Variants in SGSM3 observed in about 807,000 individuals in gnomAD.
SGSM3 encodes RUN and SH3 containing 3.
SGSM3 carries 96 observed loss-of-function variants against 100.5 expected under a neutral mutation model. The observed-to-expected ratio is 0.96, with a 90% CI of 0.81 to 1.13. The LOEUF (loss-of-function observed/expected upper bound fraction) is 1.13, where lower values mean the gene tolerates loss of function less well. Ranked by LOEUF, SGSM3 falls within the 50% of genes most tolerant of loss-of-function variation. The pLI is 0.00. For synonymous variants in SGSM3, 483 were observed against 422.8 expected, an observed-to-expected ratio of 1.14 and a Z score of -1.75; for missense variants, 1,001 against 1,015.8, an observed-to-expected ratio of 0.99 and a Z score of 0.20.
intron 1 of SGSM3, among the ~76,000 whole-genome samples, chr22:40,394,226 G>A (rs2049750674): frequency 6.6e-6 from 1 of 152,170 alleles, no homozygotes; most frequent in Non-Finnish European, 1.5e-5. Flanking sequence ...CTCCACTTAG[G>A]AGTCTGATCG....
rs867200729 is a variant in SGSM3 at position 40,381,067 on chromosome 22, C to T, written c.-112+10379C>T. ...TGGTTTAGCATGATATTGGGAAGAA[C>T]GAAGTAATTAGGAAAGGTTATAGAA... On this transcript the variant is annotated intron_variant, in intron 1 of 21. Transcript: ENST00000248929. Among the ~76,000 whole-genome samples, 12 of 152,190 alleles carry T rather than the reference C, an allele frequency of 7.9e-5. No homozygotes were observed. The Middle Eastern group carries it at 0.01, about 130-fold the overall frequency.
Position 40,410,091 on chromosome 22 carries a change from G to GTGTC in SGSM3, c.*338_*341dup, listed in dbSNP as rs35717714. 0.14 allele frequency: 173,107 copies of GTGTC among 1,194,318 alleles called. 14,433 individuals are homozygous for GTGTC. Among genetic ancestry groups the GTGTC allele is most frequent in the Admixed American group, 0.37 (8,006 of 21,702 alleles). The allele number at this position is 1,194,318 out of a possible 1,614,324, so 74.0% of individuals were successfully genotyped here. A position where few individuals can be genotyped will look rare whatever the true frequency, so the allele number is the denominator to read the frequency against. ...GGCCTCTTTGGTTTATAAATAAACT[G>GTGTC]TGTCTGTCTTTGAGAAAGCACCTAC... On this transcript the variant is annotated 3_prime_UTR_variant, in exon 22 of 22. Coordinates refer to ENST00000248929, the MANE Select transcript of SGSM3 (RefSeq NM_015705.6).
chr22:40,385,491 G>A (rs2048270832), intron 1 of SGSM3, among the ~76,000 whole-genome samples: 1 of 152,198 alleles, frequency 6.6e-6, no homozygotes, highest in Non-Finnish European at 1.5e-5. Flanking sequence ...GTTCTCGTGG[G>A]TGGAGAATTT....
intron 1 of SGSM3, among the ~76,000 whole-genome samples, chr22:40,399,820 G>C (rs2050497800): frequency 6.6e-6 from 1 of 152,238 alleles, no homozygotes; most frequent in Non-Finnish European, 1.5e-5. Context: ...GGAAGCAGGA[G>C]GGAGCGTCTC....
intron 1 of SGSM3, chr22:40,390,091 G>GA (rs1165732829): frequency 2.6e-5 from 4 of 152,072 alleles, no homozygotes; most frequent in African/African-American, 9.7e-5. Flanking sequence ...GTCATCTAGG[G>GA]AAAAAAATCT....
chr22:40,372,320 G>A (rs1156897404), intron 1 of SGSM3, among the ~76,000 whole-genome samples: 1 of 151,424 alleles, frequency 6.6e-6, no homozygotes, highest in Non-Finnish European at 1.5e-5. Context: ...TAGAGACGGG[G>A]TTTCACCGTG....
intron 1 of SGSM3, chr22:40,387,616 A>G (rs2048690894): frequency 6.2e-6 from 1 of 160,492 alleles, no homozygotes. Flanking sequence ...AGCTACCTGA[A>G]AGCTGAGTTG....
chr22:40,404,997 G>A lies in SGSM3; in HGVS notation c.475-144G>A, dbSNP rs554190772. The A allele has an allele frequency of 2.0e-5, 23 of 1,141,006 alleles. No homozygotes were observed. The East Asian group carries it at 5.4e-4, about 27-fold the overall frequency. 70.7% of individuals were successfully genotyped at this position (1,141,006 alleles called of 1,614,324 possible). The stretch of plus-strand genomic sequence containing the variant: ...GATGTCCCGGCTCCACACTGGCTGG[G>A]AGCTGACCCTGAAGGGAGGAGGGTG... On this transcript the variant is annotated intron_variant, in intron 6 of 21. Transcript: ENST00000248929.
chr22:40,407,919 G>A lies in SGSM3; in HGVS notation c.1579+76G>A, dbSNP rs527242087. The A allele has an allele frequency of 5.2e-5, 77 of 1,493,112 alleles. No homozygotes were observed. Among genetic ancestry groups the A allele is most frequent in the Non-Finnish European group, 6.6e-5 (72 of 1,091,224 alleles). The allele number at this position is 1,493,112 out of a possible 1,614,324, so 92.5% of individuals were successfully genotyped here. On this transcript the variant is annotated intron_variant, in intron 14 of 21. Transcript: ENST00000248929. The surrounding 1 kb of genome is among the most constrained non-coding windows in gnomAD (Gnocchi z 4.7). ...ACAGAAGACTTGGGTGACCCTGGCC[G>A]CCACCAAGCTGTTCTCCTCTATACA...
intron 1 of SGSM3, among the ~76,000 whole-genome samples, chr22:40,391,973 GC>G (rs747342307): frequency 1.6e-4 from 24 of 152,146 alleles, no homozygotes; most frequent in Non-Finnish European, 2.8e-4. Context: ...TTCGTAAATA[GC>G]TTTTTTCCCC....
intron 1 of SGSM3, among the ~76,000 whole-genome samples, chr22:40,377,034 T>A (rs1283034794): frequency 1.3e-5 from 2 of 152,208 alleles, no homozygotes; most frequent in Non-Finnish European, 2.9e-5. Flanking sequence ...GTGCAGACAG[T>A]GCCCTGGTGT....
At position 40,395,191 on chromosome 22, in the gene SGSM3, T is replaced by C. The variant is rs567212300; in HGVS notation, c.-111-5505T>C. Among the ~76,000 whole-genome samples, 7 of 152,270 alleles carry C rather than the reference T, an allele frequency of 4.6e-5. No individual in the cohort carries two copies. The South Asian group carries it at 1.2e-3, about 27-fold the overall frequency. On this transcript the variant is annotated intron_variant, in intron 1 of 21. Coordinates refer to ENST00000248929, the MANE Select transcript of SGSM3 (RefSeq NM_015705.6). ...CAAAAAATTTTTTTTGTTGGTTGGA[T>C]AGATGAATGAAAAACTCCCAAATTG...
intron 10 of SGSM3, 154 bp from the exon 11 acceptor site, chr22:40,406,863 T>C: frequency 1.1e-6 from 1 of 924,924 alleles, no homozygotes; most frequent in Non-Finnish European, 1.7e-6. Flanking sequence ...CCTGGCACGG[T>C]TTGGGAGGAA....
chr22:40,408,677 G>C lies in SGSM3; in HGVS notation c.1833G>C (p.Leu611=). The change falls in exon 17 of 22, where the codon CTG becomes CTC. Residue 611 remains leucine, a synonymous_variant. Transcript: ENST00000248929. The part of the protein sequence containing the change: ...ERDFASVYSR[L]VLCKTFRLDE... ...ACTTTGCCTCCGTGTATTCCCGTCT[G>C]GTGCTCTGTAAGACCTTCAGGTAAC... 2.5e-6 allele frequency: 4 copies of C among 1,614,052 alleles called. No homozygotes were observed. Among genetic ancestry groups the C allele is most frequent in the Non-Finnish European group, 3.4e-6 (4 of 1,180,022 alleles).
chr22:40,393,245 T>TA (rs2049597330), intron 1 of SGSM3, among the ~76,000 whole-genome samples: 1 of 152,196 alleles, frequency 6.6e-6, no homozygotes, highest in Non-Finnish European at 1.5e-5. Flanking sequence ...GCCTCCCAAA[T>TA]AGCTGGGACT....
At position 40,408,409 on chromosome 22, in the gene SGSM3, C is replaced by T; in HGVS notation, c.1762C>T (p.Pro588Ser). 1 of 1,613,498 alleles carries T rather than the reference C, an allele frequency of 6.2e-7. No homozygotes were observed. The highest frequency in any genetic ancestry group is 8.5e-7 in the Non-Finnish European group (1 of 1,179,988). ...ATCCCTGCTTGGGGGCGCCTGCCAC[C>T]CCTGGCTGTTTATCGAGGAGGTAAG... ...KPSLLGGACHPWLFIEEAAGR... is the reference protein window; with the variant it reads ...KPSLLGGACHSWLFIEEAAGR... Residue 588 changes from proline to serine, a missense_variant, in exon 16 of 22, where the codon CCC (proline) becomes TCC (serine). By Grantham distance (74) the Pro-to-Ser change is moderately conservative (BLOSUM62 -1). Coordinates refer to ENST00000248929, the MANE Select transcript of SGSM3 (RefSeq NM_015705.6).
Position 40,409,493 on chromosome 22 carries a change from T to TC in SGSM3, c.2143dup (p.Gln715ProfsTer49). ...CCTCTGCTGCTTTGCCTTCAGCCTC[T>TC]CCCAGGACTGGGAGCTCCCTGCGAA... On this transcript the variant is annotated frameshift_variant, in exon 21 of 22. Coordinates refer to ENST00000248929, the MANE Select transcript of SGSM3 (RefSeq NM_015705.6). LOFTEE classifies it high-confidence loss of function. 1 of 1,590,612 alleles carries TC rather than the reference T, an allele frequency of 6.3e-7. No homozygotes were observed.
Position 40,410,060 on chromosome 22 carries a change from G to C in SGSM3, c.*301G>C, listed in dbSNP as rs967770335. 6.9e-5 allele frequency: 88 copies of C among 1,278,734 alleles called. No individual in the cohort carries two copies. The highest frequency in any genetic ancestry group is 8.5e-5 in the Non-Finnish European group (86 of 1,013,798). 79.2% of individuals were successfully genotyped at this position (1,278,734 alleles called of 1,614,324 possible). On this transcript the variant is annotated 3_prime_UTR_variant, in exon 22 of 22. Coordinates refer to ENST00000248929, the MANE Select transcript of SGSM3 (RefSeq NM_015705.6). The stretch of plus-strand genomic sequence containing the variant: ...GGAAGGGGATGGGGGTGGCTAGTAG[G>C]CTCCTGGCCTCTTTGGTTTATAAAT...
At position 40,407,055 on chromosome 22, in the gene SGSM3, C is replaced by T; in HGVS notation, c.1224C>T (p.Ile408=). The change falls in exon 11 of 22, where the codon ATC becomes ATT. Residue 408 remains isoleucine, a synonymous_variant. Coordinates refer to ENST00000248929, the MANE Select transcript of SGSM3 (RefSeq NM_015705.6). The surrounding 1 kb of genome is among the most constrained non-coding windows in gnomAD (Gnocchi z 4.7). ...RRRTQRRKST[I]TALLFGEDDL... Reference sequence around the variant, plus strand: ...GGACCCAGCGGAGGAAGTCCACCATCACTGCTCTGCTCTTCGGTGAGAGCT... The same window carrying T: ...GGACCCAGCGGAGGAAGTCCACCATTACTGCTCTGCTCTTCGGTGAGAGCT... 1 of 1,591,218 alleles carries T rather than the reference C, an allele frequency of 6.3e-7. No homozygotes were observed. Among genetic ancestry groups the T allele is most frequent in the Non-Finnish European group, 8.6e-7 (1 of 1,168,814 alleles).
Sources: allele counts gnomAD v4.1 joint callset (sites outside exome capture counted in the v4.1 genomes callset), GRCh38; gene constraint gnomAD v4.1.1; non-coding constraint Gnocchi (gnomAD v3.1); transcripts MANE v1.5; gene names NCBI Gene and HGNC (gene_info 2026-07-23, HGNC 2026-07-21).